The following LBP variants were observed in gnomAD, a reference collection of about 807,000 sequenced individuals.
LBP encodes the protein lipopolysaccharide binding protein.
Under a neutral mutation model 56.6 loss-of-function variants are expected in LBP, and 53 were observed. The observed-to-expected ratio is 0.94, with a 90% CI of 0.75 to 1.18. LBP has a LOEUF of 1.18. Ranked by LOEUF, LBP falls within the 50% of genes most tolerant of loss-of-function variation. LBP has a pLI of 0.00. For missense variants in LBP, 601 were observed against 598.3 expected, an observed-to-expected ratio of 1.00 and a Z score of -0.05; for synonymous variants, 227 against 247.5, an observed-to-expected ratio of 0.92 and a Z score of 0.78.
intron 12 of LBP, among the ~76,000 whole-genome samples, 199 bp from the exon 13 acceptor site, chr20:38,372,873 A>G (rs1035692917): frequency 6.6e-6 from 1 of 152,210 alleles, no homozygotes; most frequent in African/African-American, 2.4e-5. Context: ...TAGAGGAAAG[A>G]CTGTCGGGTG....
intron 3 of LBP, among the ~76,000 whole-genome samples, chr20:38,353,630 G>A (rs2076828376): frequency 1.3e-5 from 2 of 151,936 alleles, no homozygotes; most frequent in African/African-American, 4.8e-5. Flanking sequence ...GTTAGAACGA[G>A]GAGAGATCTC....
rs113734860 is a variant in LBP at position 38,368,335 on chromosome 20, C to G, written c.982-660C>G. ...GCATTGCTGGCCAGGTGCGGTGGCT[C>G]ACACCCGTAATCCCAGCACTTTGGG... On this transcript the variant is annotated intron_variant, in intron 9 of 14. Coordinates refer to ENST00000217407, the MANE Select transcript of LBP (RefSeq NM_004139.5). 3.2e-4 allele frequency among the ~76,000 whole-genome samples: 48 copies of G among 152,272 alleles called. 3 individuals are homozygous for G. Among genetic ancestry groups the G allele is most frequent in the African/African-American group, 1.1e-3 (46 of 41,552 alleles).
At position 38,373,329 on chromosome 20, in the gene LBP, G is replaced by A. The variant is rs11536993; in HGVS notation, c.1324+194G>A. The stretch of plus-strand genomic sequence containing the variant: ...TCATCTCCCTCCAGGGCTCTAATGA[G>A]GGTTGGGGGCTGGGACAGCTCTTTG... On this transcript the variant is annotated intron_variant, in intron 13 of 14. Coordinates refer to ENST00000217407, the MANE Select transcript of LBP (RefSeq NM_004139.5). 0.12 allele frequency among the ~76,000 whole-genome samples: 17,730 copies of A among 152,188 alleles called. 1,267 individuals are homozygous for A. The highest frequency in any genetic ancestry group is 0.2 in the African/African-American group (8,333 of 41,498).
At chr20:38,354,619 A>G (rs192358550) in intron 4 of LBP, among the ~76,000 whole-genome samples, 180 bp downstream of exon 4, 2 of 152,050 alleles carry the variant, frequency 1.3e-5, no homozygotes, top group East Asian at 3.9e-4. Flanking sequence ...TTGGTGCATC[A>G]TTTTCATTAA....
At position 38,377,012 on chromosome 20, in the gene LBP, G is replaced by A; in HGVS notation, c.*343G>A. 1 of 473,042 alleles carries A rather than the reference G, an allele frequency of 2.1e-6. No homozygotes were observed. Among genetic ancestry groups the A allele is most frequent in the Non-Finnish European group, 4.2e-6 (1 of 239,050 alleles). The allele number at this position is 473,042 out of a possible 1,614,324, so 29.3% of individuals were successfully genotyped here. A position where few individuals can be genotyped will look rare whatever the true frequency, so the allele number is the denominator to read the frequency against. On this transcript the variant is annotated 3_prime_UTR_variant, in exon 15 of 15. Transcript: ENST00000217407. ...CCTCAATAAATATTTATTAAATGAT[G>A]AGATGATGGAATCACCTGGTATTCT...
intron 3 of LBP, among the ~76,000 whole-genome samples, chr20:38,353,610 G>GT: frequency 6.7e-6 from 1 of 149,364 alleles, no homozygotes; most frequent in African/African-American, 2.5e-5. Context: ...CTGGGCCAAA[G>GT]AGTATGTATG....
intron 14 of LBP, 91 bp from the exon 15 acceptor site, chr20:38,376,534 T>G: frequency 3.4e-6 from 4 of 1,176,958 alleles, no homozygotes; most frequent in South Asian, 1.2e-5. Flanking sequence ...AGCTTGTGTT[T>G]CGTGAGACGT....
At chr20:38,351,607 G>A (rs1488310849) in intron 3 of LBP, among the ~76,000 whole-genome samples, 1 of 152,208 alleles carries the variant, frequency 6.6e-6, no homozygotes, top group Non-Finnish European at 1.5e-5. Flanking sequence ...AGTTCTGGAG[G>A]CTGAGGGCCA....
chr20:38,364,490 C>T, intron 7 of LBP, 86 bp from the exon 8 acceptor site: 2 of 1,285,030 alleles, frequency 1.6e-6, no homozygotes, highest in Non-Finnish European at 1.1e-6. Context: ...GCCAGCGTCC[C>T]TTCATCGGAC....
At chr20:38,351,418 G>A (rs911476950) in intron 3 of LBP, among the ~76,000 whole-genome samples, 8 of 152,164 alleles carry the variant, frequency 5.3e-5, no homozygotes, top group South Asian at 4.1e-4. Context: ...CCAGCCCCAC[G>A]CTGTCACCCC....
At chr20:38,348,869 C>T (rs1387425327) in intron 1 of LBP, among the ~76,000 whole-genome samples, 1 of 152,050 alleles carries the variant, frequency 6.6e-6, no homozygotes, top group African/African-American at 2.4e-5. Context: ...TCTCGGCTCA[C>T]TGCAATCTCT....
At chr20:38,347,856 C>T (rs1448891954) in intron 1 of LBP, among the ~76,000 whole-genome samples, 1 of 152,180 alleles carries the variant, frequency 6.6e-6, no homozygotes, top group East Asian at 1.9e-4. Context: ...GCACTGACCA[C>T]ATGTCTTCTC....
chr20:38,370,893 G>C, intron 11 of LBP, 88 bp downstream of exon 11: 1 of 1,114,038 alleles, frequency 9.0e-7, no homozygotes, highest in Non-Finnish European at 1.4e-6. Flanking sequence ...TGGGAGGGGG[G>C]GCCACCATTT....
At chr20:38,355,226 C>A in intron 4 of LBP, 120 bp from the exon 5 acceptor site, 2 of 832,680 alleles carry the variant, frequency 2.4e-6, no homozygotes, top group Non-Finnish European at 2.0e-6. Context: ...CACAGCAGGG[C>A]GCCGGGAAGG....
In LBP at chr20:38,364,026, C is replaced by T. The variant is rs2076871370; in HGVS notation, c.704C>T (p.Ala235Val). The change falls in exon 7 of 15, where the codon GCC becomes GTC. Residue 235 changes from alanine (A) to valine (V), a missense_variant. Coordinates refer to ENST00000217407, the MANE Select transcript of LBP (RefSeq NM_004139.5). ...FADIDYSLVE[A>V]PRATAQMLEV... ...GACATTGATTATAGCTTAGTGGAAG[C>T]CCCTCGGGCAACAGCCCAGATGCTG... 3 of 1,613,904 alleles carry T rather than the reference C, an allele frequency of 1.9e-6. No individual in the cohort carries two copies. The highest frequency in any genetic ancestry group is 2.2e-5 in the East Asian group (1 of 44,898).
At chr20:38,362,119 C>T (rs1401384129) in intron 6 of LBP, among the ~76,000 whole-genome samples, 119 of 139,930 alleles carry the variant, frequency 8.5e-4, no homozygotes, top group African/African-American at 2.8e-3. Context: ...AGTGCAGTGG[C>T]GCAATCTCGG....
At chr20:38,353,122 A>G (rs1600722826) in intron 3 of LBP, among the ~76,000 whole-genome samples, 1 of 152,162 alleles carries the variant, frequency 6.6e-6, no homozygotes, top group African/African-American at 2.4e-5. Context: ...GCATATGACT[A>G]TCTACCTCAT....
At chr20:38,362,017 C>T (rs1384069282) in intron 6 of LBP, among the ~76,000 whole-genome samples, 5 of 149,240 alleles carry the variant, frequency 3.4e-5, no homozygotes, top group Admixed American at 3.3e-4. Context: ...GAGGTCAGGG[C>T]TGGGCGCGGT....
At chr20:38,355,035 T>C (rs993245999) in intron 4 of LBP, among the ~76,000 whole-genome samples, 2 of 152,170 alleles carry the variant, frequency 1.3e-5, no homozygotes, top group African/African-American at 4.8e-5. Flanking sequence ...TGAGCTGAGA[T>C]TGTGCCACTG....
Sources: gnomAD v4.1 joint callset for allele counts (sites outside exome capture counted in the v4.1 genomes callset) on GRCh38, gnomAD v4.1.1 for gene constraint, MANE v1.5 for transcripts, NCBI Gene and HGNC (gene_info 2026-07-23, HGNC 2026-07-21) for gene names.